TENM3: variants seen among roughly 807,000 people sequenced by gnomAD.
TENM3 encodes the protein teneurin-3.
In TENM3, 63 loss-of-function variants were observed where a neutral mutation model predicts 255.1. The ratio of observed to expected loss-of-function variants is 0.25; its 90% CI spans 0.20 to 0.30. The LOEUF (loss-of-function observed/expected upper bound fraction) is 0.30. Ranked by LOEUF, TENM3 falls within the 10% of genes least tolerant of loss-of-function variation. The probability of loss-of-function intolerance (pLI) is 1.00; values close to 1 mark genes in which losing one functional copy is unlikely to be tolerated. For synonymous variants in TENM3, 1,306 were observed against 1,322.3 expected (o/e 0.99, Z 0.27); for missense variants, 2,929 against 3,461.1 (o/e 0.85, Z 3.86).
At chr4:182,022,308 A>C in the TENM3 span, among the ~76,000 whole-genome samples, 4 of 152,222 alleles carry the variant, frequency 2.6e-5, no homozygotes, top group African/African-American at 9.6e-5. Flanking sequence ...ACAGAAAATC[A>C]AATACTGCAT....
intron 1 of TENM3, among the ~76,000 whole-genome samples, chr4:182,175,307 AAAAAAAAAT>A (rs1413873942): frequency 1.1e-4 from 11 of 103,258 alleles, no homozygotes; most frequent in African/African-American, 3.1e-4. Flanking sequence ...TTCATTAAAA[AAAAAAAAAT>A]ATATATATAT....
chr4:181,782,368 A>G, the TENM3 span, among the ~76,000 whole-genome samples: 2 of 152,072 alleles, frequency 1.3e-5, no homozygotes, highest in Non-Finnish European at 2.9e-5. Flanking sequence ...TGTGTCCAGG[A>G]ATTTATCCAT....
chr4:182,196,231 C>T (rs540678039), intron 1 of TENM3, among the ~76,000 whole-genome samples: 7 of 152,102 alleles, frequency 4.6e-5, no homozygotes, highest in African/African-American at 1.7e-4. Flanking sequence ...GGAGTCTCTT[C>T]CGCTTGAAGA....
chr4:182,120,072 A>T, the TENM3 span, among the ~76,000 whole-genome samples: 32,799 of 131,162 alleles, frequency 0.25, 4,322 homozygotes, highest in East Asian at 0.52. Context: ...TTACCACACA[A>T]ATACACACAT....
chr4:182,612,480 C>T (rs13144596), intron 4 of TENM3, among the ~76,000 whole-genome samples: 26,378 of 152,026 alleles, frequency 0.17, 2,471 homozygotes, highest in Non-Finnish European at 0.21. Context: ...CACGATCACC[C>T]ATGCGTAAAA....
At chr4:182,229,331 G>C (rs1344435126) in intron 1 of TENM3, among the ~76,000 whole-genome samples, 2 of 152,098 alleles carry the variant, frequency 1.3e-5, no homozygotes, top group Non-Finnish European at 2.9e-5. Flanking sequence ...AATGTTAATA[G>C]CTTTTGAAGA....
At chr4:181,547,356 G>C in the TENM3 span, among the ~76,000 whole-genome samples, 1 of 152,002 alleles carries the variant, frequency 6.6e-6, no homozygotes, top group Non-Finnish European at 1.5e-5. Context: ...ATGATCAGTA[G>C]TAACATAATC....
intron 5 of TENM3, chr4:182,631,575 G>A (rs1318906960): frequency 6.6e-6 from 1 of 152,190 alleles, no homozygotes; most frequent in Non-Finnish European, 1.5e-5. Flanking sequence ...TGTTAAGTGT[G>A]CATGTAAAGC....
chr4:182,156,074 C>T (rs1026138744), intron 1 of TENM3, among the ~76,000 whole-genome samples: 2 of 144,432 alleles, frequency 1.4e-5, no homozygotes, highest in Non-Finnish European at 3.0e-5. Context: ...CAACTCACTT[C>T]CTATGAATGT....
At chr4:182,501,948 A>T (rs1736359713) in intron 3 of TENM3, among the ~76,000 whole-genome samples, 1 of 152,088 alleles carries the variant, frequency 6.6e-6, no homozygotes, top group Non-Finnish European at 1.5e-5. Context: ...CTGAGTCCTT[A>T]AGTATCTAAA....
At chr4:182,732,034 A>G (rs755524159) in intron 16 of TENM3, among the ~76,000 whole-genome samples, 27 of 150,630 alleles carry the variant, frequency 1.8e-4, no homozygotes, top group South Asian at 6.3e-4. Context: ...GCCCACCTTG[A>G]CCTCCCAAAG....
chr4:182,458,636 AGTG>A (rs549999679), intron 3 of TENM3, among the ~76,000 whole-genome samples: 243 of 152,334 alleles, frequency 1.6e-3, no homozygotes, highest in African/African-American at 5.5e-3. Flanking sequence ...ATCAAACTAA[AGTG>A]GTAATAAAAC....
chr4:181,925,212 TA>T, the TENM3 span, among the ~76,000 whole-genome samples: 5 of 152,198 alleles, frequency 3.3e-5, no homozygotes, highest in Non-Finnish European at 5.9e-5. Context: ...GATAATGGCA[TA>T]ATGACAGTAA....
chr4:182,145,627 A>G (rs904569364), intron 1 of TENM3, among the ~76,000 whole-genome samples: 2 of 152,170 alleles, frequency 1.3e-5, no homozygotes, highest in Non-Finnish European at 2.9e-5. Flanking sequence ...AAGTACTTGT[A>G]CCGTGTAATA....
At chr4:181,528,187 A>G in the TENM3 span, among the ~76,000 whole-genome samples, 1 of 152,154 alleles carries the variant, frequency 6.6e-6, no homozygotes, top group African/African-American at 2.4e-5. Flanking sequence ...ATATTTGTAT[A>G]TTGGACGTTT....
At chr4:182,599,481 C>G (rs1008946039) in intron 3 of TENM3, among the ~76,000 whole-genome samples, 6 of 152,042 alleles carry the variant, frequency 3.9e-5, no homozygotes, top group Non-Finnish European at 1.5e-5. Flanking sequence ...ATCTCTATCC[C>G]TCATTACAAG....
chr4:182,641,108 A>G (rs1310118970), intron 5 of TENM3, among the ~76,000 whole-genome samples: 1 of 152,218 alleles, frequency 6.6e-6, no homozygotes, highest in African/African-American at 2.4e-5. Context: ...ACTGAGTGAT[A>G]AACAACAAAT....
At chr4:181,508,794 C>G in the TENM3 span, among the ~76,000 whole-genome samples, 18 of 151,012 alleles carry the variant, frequency 1.2e-4, no homozygotes, top group Non-Finnish European at 2.6e-4. Flanking sequence ...AGGTCAAACT[C>G]TGACTTGATC....
At chr4:181,627,400 T>C in the TENM3 span, among the ~76,000 whole-genome samples, 2 of 152,216 alleles carry the variant, frequency 1.3e-5, no homozygotes, top group African/African-American at 4.8e-5. Context: ...GTTTGTTACA[T>C]ATGTATACGT....
Sources: gnomAD v4.1 joint callset for allele counts (sites outside exome capture counted in the v4.1 genomes callset) on GRCh38, gnomAD v4.1.1 for gene constraint, MANE v1.5 for transcripts, NCBI Gene and HGNC (gene_info 2026-07-23, HGNC 2026-07-21) for gene names.